Variants in EIF3H observed in about 807,000 individuals in gnomAD.
EIF3H encodes the protein eukaryotic translation initiation factor 3 subunit H.
Under a neutral mutation model 44.2 loss-of-function variants are expected in EIF3H, and 26 were observed. That is an observed-to-expected ratio of 0.59 (90% CI 0.43 to 0.82). EIF3H has a LOEUF of 0.82. Ranked by LOEUF, EIF3H falls within the 40% of genes least tolerant of loss-of-function variation. The pLI is 0.00. For missense variants in EIF3H, 359 were observed against 432.8 expected (o/e 0.83, Z 1.51); for synonymous variants, 166 against 151.9 (o/e 1.09, Z -0.68).
At chr8:116,695,065 TTC>T (rs1491517639) in intron 2 of EIF3H, among the ~76,000 whole-genome samples, 37 of 150,076 alleles carry the variant, frequency 2.5e-4, no homozygotes, top group African/African-American at 8.9e-4. Context: ...AACTTCCTAA[TTC>T]TTTTTTTTTT....
chr8:116,687,541 TA>T lies in EIF3H; in HGVS notation c.290-28562del, dbSNP rs143230515. Among the ~76,000 whole-genome samples, 528 of 152,306 alleles carry T rather than the reference TA, an allele frequency of 3.5e-3. 21 individuals are homozygous for T. The East Asian group carries it at 0.092, about 26-fold the overall frequency. ...TACATTGTTTCATTACTGTATCACA[TA>T]AAGACAAAAGTAGGAATTCACAAAA... is the stretch of plus-strand genomic sequence containing the variant. On this transcript the variant is annotated intron_variant, in intron 2 of 7. Transcript: ENST00000521861.
chr8:116,697,223 A>G (rs1312246469), intron 2 of EIF3H: 1 of 456,258 alleles, frequency 2.2e-6, no homozygotes, highest in South Asian at 1.5e-5. Context: ...GATCACCCCA[A>G]AGGAAATACT....
chr8:116,706,965 G>T (rs150590860), intron 2 of EIF3H, among the ~76,000 whole-genome samples: 2 of 152,294 alleles, frequency 1.3e-5, no homozygotes, highest in African/African-American at 4.8e-5. Context: ...TAGGTTAGGT[G>T]TATTAAATGC....
chr8:116,658,770 T>C (rs1563634570), intron 3 of EIF3H, 43 bp downstream of exon 3: 3 of 1,585,234 alleles, frequency 1.9e-6, no homozygotes, highest in East Asian at 4.5e-5. Flanking sequence ...AAAATAGTAG[T>C]AATAATATTA....
rs371405596 is a variant in EIF3H, at chr8:116,646,561, G to C, written c.871C>G (p.Arg291Gly). 2 of 1,614,110 alleles carry C rather than the reference G, an allele frequency of 1.2e-6. No homozygotes were observed. The highest frequency in any genetic ancestry group is 1.7e-6 in the Non-Finnish European group (2 of 1,180,010). The change falls in exon 7 of 8, where the codon CGA (arginine) becomes GGA (glycine). Residue 291 changes from arginine to glycine, a missense_variant. By Grantham distance (125) the Arg-to-Gly change is moderately radical. This residue lies in a region of EIF3H where 94 missense variants were observed against 96.0 expected (regional missense o/e 0.98). Transcript: ENST00000521861. ...TCCTCAGGGAGCGGGGGTTCTCCTC[G>C]GCTCTGGCGCTGCATATTCTCCTGC... ...RQQENMQRQS[R>G]GEPPLPEEDL...
At chr8:116,709,476 A>G (rs1814535623) in intron 2 of EIF3H, among the ~76,000 whole-genome samples, 1 of 152,202 alleles carries the variant, frequency 6.6e-6, no homozygotes, top group Non-Finnish European at 1.5e-5. Context: ...TGTTTTATCA[A>G]AAAGGTAACC....
chr8:116,728,411 T>TA (rs746307610), intron 1 of EIF3H, among the ~76,000 whole-genome samples: 9 of 152,154 alleles, frequency 5.9e-5, no homozygotes, highest in African/African-American at 1.4e-4. Flanking sequence ...GTTTTAGGTT[T>TA]AAAAGTAGGT....
At chr8:116,739,376 C>G (rs1394394482) in intron 1 of EIF3H, among the ~76,000 whole-genome samples, 1 of 152,232 alleles carries the variant, frequency 6.6e-6, no homozygotes, top group South Asian at 2.1e-4. Flanking sequence ...GGCGGCCGGG[C>G]GCCATGGCTC....
rs945453679 is a variant in EIF3H at position 116,642,831 on chromosome 8, T to C, written c.*2175A>G. 6.6e-6 allele frequency: 1 copy of C among 152,260 alleles called. No individual in the cohort carries two copies. Among genetic ancestry groups the C allele is most frequent in the Non-Finnish European group, 1.5e-5 (1 of 68,052 alleles). The allele number at this position is 152,260 out of a possible 1,614,324, so 9.4% of individuals were successfully genotyped here. A position where few individuals can be genotyped will look rare whatever the true frequency, so the allele number is the denominator to read the frequency against. ...TGTGGCGAGTTAATTTCCACTGACA[T>C]GTTTTCCTAAACAGTTTTTCCCACT... On this transcript the variant is annotated 3_prime_UTR_variant, in exon 8 of 8. Transcript: ENST00000521861.
At chr8:116,743,985 A>G (rs1268230450) in intron 1 of EIF3H, among the ~76,000 whole-genome samples, 1 of 151,838 alleles carries the variant, frequency 6.6e-6, no homozygotes, top group East Asian at 1.9e-4. Flanking sequence ...AGTCTGTAAG[A>G]CCAGTTATAC....
chr8:116,721,075 G>T (rs937769982), intron 2 of EIF3H, among the ~76,000 whole-genome samples: 1 of 152,104 alleles, frequency 6.6e-6, no homozygotes, highest in Non-Finnish European at 1.5e-5. Context: ...AGGGCACGTC[G>T]GAGACCTTCA....
intron 2 of EIF3H, among the ~76,000 whole-genome samples, chr8:116,724,644 A>AT (rs992980512): frequency 5.3e-5 from 8 of 152,272 alleles, no homozygotes; most frequent in African/African-American, 1.7e-4. Context: ...TTGAATAGAC[A>AT]TTTTTTCAAA....
chr8:116,674,980 T>C (rs1813821983), intron 2 of EIF3H, among the ~76,000 whole-genome samples: 1 of 152,216 alleles, frequency 6.6e-6, no homozygotes, highest in East Asian at 1.9e-4. Context: ...CTTTGAACAC[T>C]GCTCCTGTAG....
chr8:116,713,408 A>G (rs2130903709), intron 2 of EIF3H, among the ~76,000 whole-genome samples: 2 of 152,272 alleles, frequency 1.3e-5, no homozygotes, highest in African/African-American at 4.8e-5. Flanking sequence ...TTTCAAAAGT[A>G]TATCCTTTCA....
intron 2 of EIF3H, among the ~76,000 whole-genome samples, chr8:116,715,178 A>G (rs991416395): frequency 6.6e-6 from 1 of 152,096 alleles, no homozygotes; most frequent in Admixed American, 6.6e-5. Flanking sequence ...TTGTCAATTC[A>G]TATTTTAGCC....
At chr8:116,673,546 T>C (rs1263935462) in intron 2 of EIF3H, among the ~76,000 whole-genome samples, 2 of 152,186 alleles carry the variant, frequency 1.3e-5, no homozygotes, top group African/African-American at 4.8e-5. Flanking sequence ...AATAATGCTG[T>C]CAAGCTACCC....
rs1813347576 is a variant in EIF3H at position 116,648,939 on chromosome 8, G to A, written c.708-13C>T. 1 of 1,603,704 alleles carries A rather than the reference G, an allele frequency of 6.2e-7. No individual in the cohort carries two copies. The highest frequency in any genetic ancestry group is 1.3e-5 in the African/African-American group (1 of 74,496). On this transcript the variant is annotated splice_polypyrimidine_tract_variant and intron_variant, in intron 5 of 7. Transcript: ENST00000521861. ...CCCCAAATGATTGCTGAAATGTAAAGTAAATATACTGACAAGTCTTACTTT... is the reference window on the plus strand; with the variant it reads ...CCCCAAATGATTGCTGAAATGTAAAATAAATATACTGACAAGTCTTACTTT...
intron 2 of EIF3H, among the ~76,000 whole-genome samples, chr8:116,691,039 C>A (rs764256813): frequency 6.6e-6 from 1 of 152,186 alleles, no homozygotes; most frequent in Admixed American, 6.5e-5. Context: ...AACTCTGTTG[C>A]CCCTCAGTAT....
At chr8:116,711,047 A>C (rs765142352) in intron 2 of EIF3H, among the ~76,000 whole-genome samples, 30 of 152,236 alleles carry the variant, frequency 2.0e-4, no homozygotes, top group Middle Eastern at 3.4e-3. Flanking sequence ...AAATTTTCTT[A>C]ACTAAGAACT....
Sources: allele counts gnomAD v4.1 joint callset (sites outside exome capture counted in the v4.1 genomes callset), GRCh38; gene constraint gnomAD v4.1.1; regional missense constraint gnomAD v4.1.1; transcripts MANE v1.5; gene names NCBI Gene and HGNC (gene_info 2026-07-23, HGNC 2026-07-21).